Variants in DOCK9 observed in about 807,000 individuals in gnomAD.
DOCK9 encodes dedicator of cytokinesis protein 9.
In DOCK9, 89 loss-of-function variants were observed where a neutral mutation model predicts 263.3. The observed-to-expected ratio is 0.34, with a 90% CI of 0.28 to 0.40. The LOEUF (loss-of-function observed/expected upper bound fraction) is 0.40. Among genes scored for constraint, DOCK9 ranks in the 10% least tolerant of loss-of-function variants. DOCK9 has a pLI of 1.00. For synonymous variants in DOCK9, 976 were observed against 973.1 expected, an observed-to-expected ratio of 1.00 and a Z score of -0.06; for missense variants, 2,140 against 2,603.4, an observed-to-expected ratio of 0.82 and a Z score of 3.87.
Position 98,825,486 on chromosome 13 carries a change from T to A in DOCK9, c.5024-982A>T, listed in dbSNP as rs1392470338. Among the ~76,000 whole-genome samples, 2 of 152,344 alleles carry A rather than the reference T, an allele frequency of 1.3e-5. No homozygotes were observed. Among genetic ancestry groups the A allele is most frequent in the Admixed American group, 1.3e-4 (2 of 15,306 alleles). ...TGATCCCAGGTTTCTACACTATTCA[T>A]GGATTATCCAGCATCTGCCACTATC... On this transcript the variant is annotated intron_variant, in intron 44 of 52. Transcript: ENST00000682017. This position sits in a 1 kb window ranked among gnomAD's most constrained non-coding sequence, Gnocchi z 4.1.
chr13:98,882,418 A>G (rs1269792638), intron 23 of DOCK9, among the ~76,000 whole-genome samples: 1 of 152,200 alleles, frequency 6.6e-6, no homozygotes, highest in African/African-American at 2.4e-5. Flanking sequence ...TTATGTGGAT[A>G]TGTATTCCAT....
rs1230058045 is a variant in DOCK9 at position 98,829,098 on chromosome 13, A to G, written c.4965+209T>C. On this transcript the variant is annotated intron_variant, in intron 43 of 52. Coordinates refer to ENST00000682017, the MANE Select transcript of DOCK9 (RefSeq NM_001366683.2). The surrounding 1 kb of genome is among the most constrained non-coding windows in gnomAD (Gnocchi z 4.1). ...AGAGCTTAAACAATGCTCTTTGTTGACAAAAATAACCCCTTACAATTTGTT... is the reference window on the plus strand; with the variant it reads ...AGAGCTTAAACAATGCTCTTTGTTGGCAAAAATAACCCCTTACAATTTGTT... 1.3e-5 allele frequency among the ~76,000 whole-genome samples: 2 copies of G among 152,210 alleles called. No individual in the cohort carries two copies. The highest frequency in any genetic ancestry group is 4.8e-5 in the African/African-American group (2 of 41,454).
At chr13:99,000,586 G>A (rs976544985) in intron 1 of DOCK9, among the ~76,000 whole-genome samples, 1 of 152,030 alleles carries the variant, frequency 6.6e-6, no homozygotes, top group Non-Finnish European at 1.5e-5. Context: ...AAAGAAAGAA[G>A]AAAAATGAGG....
intron 1 of DOCK9, among the ~76,000 whole-genome samples, chr13:99,001,097 T>C (rs1315477849): frequency 6.6e-6 from 1 of 152,236 alleles, no homozygotes; most frequent in Non-Finnish European, 1.5e-5. Context: ...CAGCCTGAGC[T>C]GTGAAAGATG....
rs372841620 is a variant in DOCK9 at position 98,884,651 on chromosome 13, T to A, written c.2382+320A>T. ...GGAGGAAAATTCCTAATAGTTTGCA[T>A]GACCCTAAGAACTCATCTTTATTTG... is the stretch of plus-strand genomic sequence containing the variant. On this transcript the variant is annotated intron_variant, in intron 21 of 52. Coordinates refer to ENST00000682017, the MANE Select transcript of DOCK9 (RefSeq NM_001366683.2). Among the ~76,000 whole-genome samples the A allele has an allele frequency of 2.6e-5, 4 of 152,346 alleles. No homozygotes were observed. In the East Asian group the frequency reaches 5.8e-4, roughly 22 times the overall value.
intron 2 of DOCK9, among the ~76,000 whole-genome samples, chr13:98,952,570 A>G (rs570048513): frequency 1.6e-4 from 25 of 152,242 alleles, no homozygotes; most frequent in African/African-American, 5.5e-4. Flanking sequence ...CGTTTACTTC[A>G]TGTCTCTCTT....
Position 98,808,495 on chromosome 13 carries a change from G to A in DOCK9, c.5368-688C>T, listed in dbSNP as rs569651239. 2,385 of 645,698 alleles carry A rather than the reference G, an allele frequency of 3.7e-3. 82 individuals carry two copies. The South Asian group carries it at 0.041, about 11-fold the overall frequency. The allele number at this position is 645,698 out of a possible 1,614,324, so 40.0% of individuals were successfully genotyped here. A position where few individuals can be genotyped will look rare whatever the true frequency, so the allele number is the denominator to read the frequency against. ...AAGAAAATTTTTTAAAGTTTCTCAC[G>A]TAAATTAAGAGAGAGAAAATGGTGC... On this transcript the variant is annotated intron_variant, in intron 47 of 52. Transcript: ENST00000682017.
At chr13:98,945,837 T>C (rs565812406) in intron 2 of DOCK9, among the ~76,000 whole-genome samples, 21 of 152,076 alleles carry the variant, frequency 1.4e-4, no homozygotes, top group African/African-American at 4.8e-4. Flanking sequence ...CATATACCAG[T>C]GTGAGAGGCT....
intron 39 of DOCK9, chr13:98,832,987 G>T (rs1594471592): frequency 6.6e-6 from 1 of 150,804 alleles, no homozygotes. Context: ...GTAAGTTTTT[G>T]TTTTTTTTTA....
In DOCK9 at chr13:98,853,506, G is replaced by A; in HGVS notation, c.3848C>T (p.Thr1283Ile). The part of the protein sequence containing the change: ...NSLDKHQQSS[T>I]LGNSVVRCDK... ...ACAGCGAACCACGGAATTTCCCAATGTGCTACTTTGTTGGTGCTAAAAAGA... is the reference window on the plus strand; with the variant it reads ...ACAGCGAACCACGGAATTTCCCAATATGCTACTTTGTTGGTGCTAAAAAGA... Residue 1283 changes from threonine (T) to isoleucine (I), a missense_variant, in exon 35 of 53, where the codon ACA becomes ATA. Around this residue, in one of 2 missense-constraint regions of DOCK9, gnomAD observed 1,521 missense variants for 1,741.7 expected, o/e 0.87. Coordinates refer to ENST00000682017, the MANE Select transcript of DOCK9 (RefSeq NM_001366683.2). 6.2e-7 allele frequency: 1 copy of A among 1,612,754 alleles called. No individual in the cohort carries two copies. The highest frequency in any genetic ancestry group is 1.1e-5 in the South Asian group (1 of 90,676).
At chr13:98,990,221 T>C (rs1046769042) in intron 1 of DOCK9, among the ~76,000 whole-genome samples, 1 of 152,196 alleles carries the variant, frequency 6.6e-6, no homozygotes, top group African/African-American at 2.4e-5. Flanking sequence ...AGGAAAAAAA[T>C]GCAGAAGTCA....
chr13:98,891,344 C>T (rs1159168095), intron 15 of DOCK9, among the ~76,000 whole-genome samples: 1 of 152,194 alleles, frequency 6.6e-6, no homozygotes, highest in Non-Finnish European at 1.5e-5. Flanking sequence ...CACAACATAT[C>T]ACAAGACACT....
rs1392005184 is a variant in DOCK9, at chr13:99,056,247, C to T, written c.129+29976G>A. On this transcript the variant is annotated intron_variant, in intron 1 of 32. Transcript: ENST00000427887. ...ATTGTGAGATGTTTCACCATACAAA[C>T]TAATAACAGGCAATTCAGCTTCCCT... is the stretch of plus-strand genomic sequence containing the variant. 2.6e-5 allele frequency among the ~76,000 whole-genome samples: 4 copies of T among 152,148 alleles called. No homozygotes were observed. The South Asian group carries it at 6.2e-4, about 24-fold the overall frequency.
Position 98,829,892 on chromosome 13 carries a change from C to T in DOCK9, c.4636-136G>A, listed in dbSNP as rs16955917. The stretch of plus-strand genomic sequence containing the variant: ...GGGGTGCTTTGAGCAGGGGTCGCTC[C>T]GTGTAGGAAACAATGTCTGAGGTAT... On this transcript the variant is annotated intron_variant, in intron 41 of 52. Coordinates refer to ENST00000682017, the MANE Select transcript of DOCK9 (RefSeq NM_001366683.2). The surrounding 1 kb of genome is among the most constrained non-coding windows in gnomAD (Gnocchi z 4.1). The T allele has an allele frequency of 7.6e-6, 5 of 654,376 alleles. No individual in the cohort carries two copies. The highest frequency in any genetic ancestry group is 5.4e-5 in the African/African-American group (3 of 55,314). The allele number at this position is 654,376 out of a possible 1,614,324, so 40.5% of individuals were successfully genotyped here. A position where few individuals can be genotyped will look rare whatever the true frequency, so the allele number is the denominator to read the frequency against.
upstream of DOCK9, among the ~76,000 whole-genome samples, chr13:99,087,090 G>A (rs12875435): frequency 6.6e-6 from 1 of 151,662 alleles, no homozygotes; most frequent in Admixed American, 6.5e-5. Flanking sequence ...AGAGGTCTCA[G>A]GAAAGTAGCC....
intron 1 of DOCK9, among the ~76,000 whole-genome samples, chr13:99,053,794 C>T (rs535383104): frequency 6.6e-6 from 1 of 152,262 alleles, no homozygotes; most frequent in East Asian, 1.9e-4. Flanking sequence ...TCAGATAGCA[C>T]ACACTTGAGG....
At chr13:98,906,594 T>C (rs2049136260) in intron 9 of DOCK9, among the ~76,000 whole-genome samples, 1 of 152,186 alleles carries the variant, frequency 6.6e-6, no homozygotes, top group South Asian at 2.1e-4. Flanking sequence ...CAGCACTTGA[T>C]GGGGCACTCA....
intron 9 of DOCK9, among the ~76,000 whole-genome samples, chr13:98,911,956 GC>G (rs2050124104): frequency 6.7e-6 from 1 of 149,234 alleles, no homozygotes; most frequent in East Asian, 2.0e-4. Context: ...TGCAATCTCT[GC>G]CTTCCAGGTT....
chr13:98,826,040 G>T lies in DOCK9; in HGVS notation c.5023+790C>A, dbSNP rs1291024356. 2.7e-5 allele frequency: 27 copies of T among 1,000,078 alleles called. No individual in the cohort carries two copies. In the East Asian group the frequency reaches 7.0e-4, roughly 26 times the overall value. The allele number at this position is 1,000,078 out of a possible 1,614,324, so 62.0% of individuals were successfully genotyped here. A position where few individuals can be genotyped will look rare whatever the true frequency, so the allele number is the denominator to read the frequency against. On this transcript the variant is annotated intron_variant, in intron 44 of 52. Transcript: ENST00000682017. ...CCCTTTCAAAATTTTTCTCTTTGGGGCTCTGCTGTTTCATTCCAAATAGCC... is the reference window on the plus strand; with the variant it reads ...CCCTTTCAAAATTTTTCTCTTTGGGTCTCTGCTGTTTCATTCCAAATAGCC...
Sources: allele counts gnomAD v4.1 joint callset (sites outside exome capture counted in the v4.1 genomes callset), GRCh38; gene constraint gnomAD v4.1.1; regional missense constraint gnomAD v4.1.1; non-coding constraint Gnocchi (gnomAD v3.1); transcripts MANE v1.5; gene names NCBI Gene and HGNC (gene_info 2026-07-23, HGNC 2026-07-21).